Variants in CTNNA3 observed in about 807,000 individuals in gnomAD.
CTNNA3 encodes the protein catenin alpha-3.
Under a neutral mutation model 95.7 loss-of-function variants are expected in CTNNA3, and 76 were observed. The observed-to-expected ratio is 0.79, with a 90% confidence interval of 0.66 to 0.96. The LOEUF is 0.96. CTNNA3 is among the 40% of genes least tolerant of loss of function. The pLI is 0.00. For synonymous variants in CTNNA3, 431 were observed against 374.4 expected (o/e 1.15, Z -1.74); for missense variants, 1,191 against 1,089.8 (o/e 1.09, Z -1.31).
intron 11 of CTNNA3, among the ~76,000 whole-genome samples, chr10:66,395,439 T>C (rs2092968066): frequency 6.6e-6 from 1 of 152,080 alleles, no homozygotes; most frequent in African/African-American, 2.4e-5. Flanking sequence ...CAAAATATTC[T>C]GTATCACCCT....
chr10:66,565,642 G>C (rs1043361594), intron 10 of CTNNA3, among the ~76,000 whole-genome samples: 2 of 152,110 alleles, frequency 1.3e-5, no homozygotes, highest in Non-Finnish European at 2.9e-5. Flanking sequence ...GCATGGAGTC[G>C]CGCCTGAGGT....
chr10:66,455,007 TG>T (rs2093487071), intron 11 of CTNNA3, among the ~76,000 whole-genome samples: 1 of 150,986 alleles, frequency 6.6e-6, no homozygotes. Flanking sequence ...AATAGTCTAA[TG>T]AAAAATGTAA....
At chr10:67,363,102 A>G (rs940751884) in intron 5 of CTNNA3, among the ~76,000 whole-genome samples, 1 of 152,158 alleles carries the variant, frequency 6.6e-6, no homozygotes, top group Non-Finnish European at 1.5e-5. Context: ...ACACTGTTTC[A>G]AAGAAACCAG....
intron 5 of CTNNA3, among the ~76,000 whole-genome samples, chr10:67,415,309 G>A (rs535796232): frequency 5.3e-5 from 8 of 152,238 alleles, no homozygotes; most frequent in Admixed American, 5.2e-4. Flanking sequence ...AAAGTTTCAG[G>A]ATAAAATCAA....
Position 65,920,440 on chromosome 10 carries a change from T to C in CTNNA3, c.2578A>G (p.Lys860Glu). ...MKAPAKKPLI[K>E]REKPEETCAA... Reference sequence around the variant, plus strand: ...CACGTTTCCTCTGGCTTCTCTCTTTTAATCAAGGGTTTTTTTGCAGGAGCC... The same window carrying C: ...CACGTTTCCTCTGGCTTCTCTCTTTCAATCAAGGGTTTTTTTGCAGGAGCC... The change falls in exon 18 of 18, where the codon AAA becomes GAA. Residue 860 changes from lysine to glutamate, a missense_variant. Physicochemically the swap from Lys to Glu is moderately conservative, Grantham distance 56 (BLOSUM62 1). Transcript: ENST00000433211. 6.2e-7 allele frequency: 1 copy of C among 1,614,168 alleles called. No homozygotes were observed. Among genetic ancestry groups the C allele is most frequent in the Non-Finnish European group, 8.5e-7 (1 of 1,180,036 alleles).
intron 13 of CTNNA3, among the ~76,000 whole-genome samples, chr10:66,133,665 C>T (rs2083227908): frequency 6.6e-6 from 1 of 150,494 alleles, no homozygotes; most frequent in South Asian, 2.1e-4. Context: ...GATCTGAAAT[C>T]AGTCTATACT....
intron 9 of CTNNA3, among the ~76,000 whole-genome samples, chr10:66,682,327 C>T (rs1020722699): frequency 2.0e-5 from 3 of 151,734 alleles, no homozygotes; most frequent in African/African-American, 7.3e-5. Context: ...TTATACAATG[C>T]ACAATAATAA....
At chr10:66,492,241 T>G (rs1023055266) in intron 11 of CTNNA3, among the ~76,000 whole-genome samples, 4 of 152,138 alleles carry the variant, frequency 2.6e-5, no homozygotes, top group Non-Finnish European at 5.9e-5. Context: ...AATACACTTA[T>G]TATAGGAGGC....
At chr10:67,310,683 A>G (rs1564555909) in intron 5 of CTNNA3, among the ~76,000 whole-genome samples, 1 of 152,194 alleles carries the variant, frequency 6.6e-6, no homozygotes. Flanking sequence ...ACATGGTGAC[A>G]GGAGAGAGAA....
At chr10:66,970,767 G>A (rs1188608939) in intron 7 of CTNNA3, among the ~76,000 whole-genome samples, 1 of 151,972 alleles carries the variant, frequency 6.6e-6, no homozygotes. Context: ...GATAACAAAT[G>A]ATTGCCCAAG....
intron 1 of CTNNA3, among the ~76,000 whole-genome samples, chr10:67,726,174 AATAT>A (rs1180540234): frequency 1.0e-5 from 1 of 99,292 alleles, no homozygotes; most frequent in African/African-American, 4.2e-5. Context: ...CTTATATAAT[AATAT>A]ATATTATTAT....
chr10:65,974,603 G>A (rs1376670643), intron 16 of CTNNA3, among the ~76,000 whole-genome samples: 1 of 152,126 alleles, frequency 6.6e-6, no homozygotes, highest in Non-Finnish European at 1.5e-5. Context: ...AGGGGAGGGA[G>A]GAAGGGAGTA....
At chr10:66,609,585 A>C (rs1844255710) in intron 10 of CTNNA3, among the ~76,000 whole-genome samples, 2 of 151,898 alleles carry the variant, frequency 1.3e-5, no homozygotes, top group South Asian at 4.2e-4. Flanking sequence ...GGCTATTACT[A>C]AAAAGTCAAA....
chr10:67,076,111 T>C (rs1856733723), intron 7 of CTNNA3, among the ~76,000 whole-genome samples: 1 of 152,244 alleles, frequency 6.6e-6, no homozygotes, highest in African/African-American at 2.4e-5. Context: ...TGTAGAAAGA[T>C]GGGAGGGTGG....
intron 7 of CTNNA3, among the ~76,000 whole-genome samples, chr10:66,910,779 C>G (rs371633983): frequency 7.2e-5 from 11 of 152,312 alleles, no homozygotes; most frequent in Admixed American, 2.0e-4. Context: ...GGTTTCCGCT[C>G]TTCTTGAAAA....
intron 7 of CTNNA3, among the ~76,000 whole-genome samples, chr10:67,013,338 C>T (rs1339353935): frequency 6.6e-6 from 1 of 152,092 alleles, no homozygotes; most frequent in Non-Finnish European, 1.5e-5. Flanking sequence ...GTAGTTATTT[C>T]AGTTTTTAAT....
At chr10:65,949,930 G>A (rs1036425710) in intron 17 of CTNNA3, among the ~76,000 whole-genome samples, 1 of 152,048 alleles carries the variant, frequency 6.6e-6, no homozygotes, top group Non-Finnish European at 1.5e-5. Context: ...GTGGAGACTG[G>A]AAATGTTGTT....
intron 9 of CTNNA3, among the ~76,000 whole-genome samples, chr10:66,715,608 A>G (rs1848426184): frequency 6.6e-6 from 1 of 152,230 alleles, no homozygotes; most frequent in Non-Finnish European, 1.5e-5. Flanking sequence ...AATAGTTTTT[A>G]GATAACTAAA....
intron 10 of CTNNA3, among the ~76,000 whole-genome samples, chr10:66,618,089 A>T (rs1844591436): frequency 6.6e-6 from 1 of 152,146 alleles, no homozygotes; most frequent in South Asian, 2.1e-4. Flanking sequence ...AGAACATTCC[A>T]TGCTCATGGA....
Sources: allele counts gnomAD v4.1 joint callset (sites outside exome capture counted in the v4.1 genomes callset), GRCh38; gene constraint gnomAD v4.1.1; transcripts MANE v1.5; gene names NCBI Gene and HGNC (gene_info 2026-07-23, HGNC 2026-07-21).